PRODH2: variants seen among roughly 807,000 people sequenced by gnomAD.
PRODH2 encodes proline dehydrogenase 2, also known as hydroxyproline dehydrogenase.
Under a neutral mutation model 51.9 loss-of-function variants are expected in PRODH2, and 49 were observed. That is an observed-to-expected ratio of 0.94 (90% CI 0.75 to 1.20). The LOEUF (loss-of-function observed/expected upper bound fraction) is 1.20, where lower values mean the gene tolerates loss of function less well. Among genes scored for constraint, PRODH2 ranks in the 50% most tolerant of loss-of-function variants. PRODH2 has a pLI of 0.00. For missense variants in PRODH2, 597 were observed against 610.9 expected, an observed-to-expected ratio of 0.98 and a Z score of 0.24; for synonymous variants, 249 against 260.7, an observed-to-expected ratio of 0.96 and a Z score of 0.43.
At chr19:35,808,221 T>C (rs1972544194) in intron 4 of PRODH2, among the ~76,000 whole-genome samples, 1 of 152,200 alleles carries the variant, frequency 6.6e-6, no homozygotes. Context: ...TAAGAACCGT[T>C]TCTAACTCAC....
At chr19:35,801,913 TGGCAGAAG>T in intron 9 of PRODH2, 1 of 447,800 alleles carries the variant, frequency 2.2e-6, no homozygotes, top group Admixed American at 3.4e-5. Flanking sequence ...GCTTAGCACC[TGGCAGAAG>T]GAAACATTAA....
chr19:35,812,532 G>A lies in PRODH2; in HGVS notation c.199C>T (p.Leu67=). ...LLLQAWSRRL[L]GSRLSGAFLR... is the part of the protein sequence containing the mutation. ...AATGCGCCTGAGAGCCGGGAGCCCA[G>A]GAGTCGCCGAGACCAGGCCTGGAGC... Residue 67 remains leucine, a synonymous_variant, in exon 2 of 10, where the codon CTG becomes TTG. Transcript: ENST00000653904. 6.2e-7 allele frequency: 1 copy of A among 1,614,120 alleles called. No individual in the cohort carries two copies. The highest frequency in any genetic ancestry group is 1.1e-5 in the South Asian group (1 of 91,076).
At chr19:35,810,796 C>T (rs2146789224) in intron 4 of PRODH2, among the ~76,000 whole-genome samples, 1 of 152,294 alleles carries the variant, frequency 6.6e-6, no homozygotes, top group East Asian at 1.9e-4. Context: ...GCTGGGATTA[C>T]AGGCGTGAGC....
intron 4 of PRODH2, among the ~76,000 whole-genome samples, chr19:35,809,701 C>T (rs1019349550): frequency 6.6e-6 from 1 of 152,108 alleles, no homozygotes; most frequent in East Asian, 1.9e-4. Context: ...TGGCTCATGC[C>T]TGTAATCCCA....
intron 8 of PRODH2, 44 bp downstream of exon 8, chr19:35,802,924 C>T (rs1972455119): frequency 2.2e-6 from 3 of 1,373,602 alleles, no homozygotes; most frequent in Non-Finnish European, 3.0e-6. Flanking sequence ...AAGGGAGGGC[C>T]CTTTTGTGGG....
intron 9 of PRODH2, among the ~76,000 whole-genome samples, chr19:35,801,041 C>T (rs1204389595): frequency 1.3e-5 from 2 of 152,074 alleles, no homozygotes; most frequent in African/African-American, 4.8e-5. Context: ...GTGGTGCGTG[C>T]CTATAATCCC....
chr19:35,801,768 GA>G (rs1304291769), intron 9 of PRODH2: 1 of 187,930 alleles, frequency 5.3e-6, no homozygotes, highest in Non-Finnish European at 1.1e-5. Flanking sequence ...GATCAAGGAA[GA>G]AAACAGAAAA....
chr19:35,812,518 G>C lies in PRODH2; in HGVS notation c.213C>G (p.Leu71=), dbSNP rs147960570. 0.012 allele frequency: 18,813 copies of C among 1,614,170 alleles called. 154 individuals are homozygous for C. Among genetic ancestry groups the C allele is most frequent in the Non-Finnish European group, 0.013 (15,839 of 1,180,006 alleles). The change falls in exon 2 of 10, where the codon CTC becomes CTG. Residue 71 remains leucine, a synonymous_variant. Transcript: ENST00000653904. ...CGGATGCTCGGAGAAATGCGCCTGA[G>C]AGCCGGGAGCCCAGGAGTCGCCGAG... is the stretch of plus-strand genomic sequence containing the variant. The part of the protein sequence containing the change: ...AWSRRLLGSR[L]SGAFLRASVY...
chr19:35,807,773 C>T (rs756260135), intron 4 of PRODH2, among the ~76,000 whole-genome samples: 29 of 151,782 alleles, frequency 1.9e-4, no homozygotes, highest in East Asian at 3.9e-4. Flanking sequence ...TTACTTGTTA[C>T]GTACTGACTT....
rs748985073 is a variant in PRODH2, at chr19:35,806,520, C to T, written c.911G>A (p.Arg304Gln). 7 of 1,614,168 alleles carry T rather than the reference C, an allele frequency of 4.3e-6. No individual in the cohort carries two copies. The highest frequency in any genetic ancestry group is 5.1e-6 in the Non-Finnish European group (6 of 1,180,022). The change falls in exon 7 of 10, where the codon CGA (arginine) becomes CAA (glutamine). Residue 304 changes from arginine (R) to glutamine (Q), a missense_variant. Coordinates refer to ENST00000653904, the MANE Select transcript of PRODH2 (RefSeq NM_021232.2). ...TCTCTCCTTGTCCAGATATGCACCTCGTACCAGCTTCACTCCGAAGGCCAG... is the reference window on the plus strand; with the variant it reads ...TCTCTCCTTGTCCAGATATGCACCTTGTACCAGCTTCACTCCGAAGGCCAG... Reference protein sequence around the residue: ...AGLAFGVKLVRGAYLDKERAV... With the variant: ...AGLAFGVKLVQGAYLDKERAV...
intron 9 of PRODH2, 122 bp downstream of exon 9, chr19:35,802,069 G>T: frequency 1.1e-6 from 1 of 880,922 alleles, no homozygotes. Context: ...CACAGACACT[G>T]GAATGACAGA....
intron 9 of PRODH2, 144 bp downstream of exon 9, chr19:35,802,047 C>T: frequency 1.4e-6 from 1 of 720,308 alleles, no homozygotes; most frequent in Non-Finnish European, 2.5e-6. Flanking sequence ...AGAGACACAG[C>T]CTTGGAAGGC....
chr19:35,806,411 C>G lies in PRODH2; in HGVS notation c.1001+19G>C, dbSNP rs1232965862. ...TAGGTGTTATTATTTCCTGCAGAGGCCAGCTGGCCCGGGCCTACCTCTGAC... is the reference window on the plus strand; with the variant it reads ...TAGGTGTTATTATTTCCTGCAGAGGGCAGCTGGCCCGGGCCTACCTCTGAC... On this transcript the variant is annotated intron_variant, in intron 7 of 9. Transcript: ENST00000653904. The G allele has an allele frequency of 6.2e-7, 1 of 1,613,580 alleles. No homozygotes were observed. The highest frequency in any genetic ancestry group is 1.3e-5 in the African/African-American group (1 of 74,898).
rs759308662 is a variant in PRODH2 at position 35,812,117 on chromosome 19, G to A, written c.510+17C>T. 55 of 1,613,332 alleles carry A rather than the reference G, an allele frequency of 3.4e-5. No individual in the cohort carries two copies. The South Asian group carries it at 4.2e-4, about 12-fold the overall frequency. On this transcript the variant is annotated intron_variant, in intron 3 of 9. Coordinates refer to ENST00000653904, the MANE Select transcript of PRODH2 (RefSeq NM_021232.2). The stretch of plus-strand genomic sequence containing the variant: ...GCAGCCGCGCCCTCCCCGCACCCCC[G>A]TCTTTGCACTCCTTACACAGAGCCG...
intron 4 of PRODH2, among the ~76,000 whole-genome samples, chr19:35,807,774 G>A (rs1005848948): frequency 1.3e-4 from 19 of 150,696 alleles, no homozygotes; most frequent in Non-Finnish European, 2.2e-4. Context: ...TACTTGTTAC[G>A]TACTGACTTT....
Position 35,806,535 on chromosome 19 carries a change from C to A in PRODH2, c.896G>T (p.Gly299Val). 1 of 1,614,190 alleles carries A rather than the reference C, an allele frequency of 6.2e-7. No individual in the cohort carries two copies. Among genetic ancestry groups the A allele is most frequent in the Non-Finnish European group, 8.5e-7 (1 of 1,180,040 alleles). Residue 299 changes from glycine to valine, a missense_variant, in exon 7 of 10, where the codon GGA (glycine) becomes GTA (valine). Coordinates refer to ENST00000653904, the MANE Select transcript of PRODH2 (RefSeq NM_021232.2). Reference protein sequence around the residue: ...EAAHRAGLAFGVKLVRGAYLD... With the variant: ...EAAHRAGLAFVVKLVRGAYLD... ...ATATGCACCTCGTACCAGCTTCACT[C>A]CGAAGGCCAGGCCGGCCCTGTGCGC...
chr19:35,807,214 T>C, intron 4 of PRODH2, 93 bp from the exon 5 acceptor site: 1 of 1,193,376 alleles, frequency 8.4e-7, no homozygotes, highest in Non-Finnish European at 1.2e-6. Context: ...ATTGAGGGGG[T>C]TATGAGCCTA....
At chr19:35,812,583 C>A in intron 1 of PRODH2, 27 bp from the exon 2 acceptor site, 1 of 1,608,712 alleles carries the variant, frequency 6.2e-7, no homozygotes, top group Non-Finnish European at 8.5e-7. Flanking sequence ...GAGGGCTCAG[C>A]GCCAGGCTAT....
chr19:35,811,971 G>T lies in PRODH2; in HGVS notation c.588C>A (p.Asp196Glu). 6.2e-7 allele frequency: 1 copy of T among 1,614,056 alleles called. No individual in the cohort carries two copies. Among genetic ancestry groups the T allele is most frequent in the Non-Finnish European group, 8.5e-7 (1 of 1,179,930 alleles). Residue 196 changes from aspartate to glutamate, a missense_variant, in exon 4 of 10, where the codon GAC (aspartate) becomes GAA (glutamate). Coordinates refer to ENST00000653904, the MANE Select transcript of PRODH2 (RefSeq NM_021232.2). ...CGCTTGAGATCCTTACCTGCCCAGA[G>T]TCCATAGCTTCAGCCAGCCTCTCGG... ...LSPERLAEAMDSGQNLQVSCL... is the reference protein window; with the variant it reads ...LSPERLAEAMESGQNLQVSCL...
Sources: gnomAD v4.1 joint callset for allele counts (sites outside exome capture counted in the v4.1 genomes callset) on GRCh38, gnomAD v4.1.1 for gene constraint, MANE v1.5 for transcripts, NCBI Gene and HGNC (gene_info 2026-07-23, HGNC 2026-07-21) for gene names.